The following STIMATE variants were observed in gnomAD, a reference collection of about 807,000 sequenced individuals.
STIMATE encodes the protein store-operated calcium entry regulator STIMATE.
A neutral mutation model predicts 36.7 loss-of-function variants in STIMATE; 15 were observed. The ratio of observed to expected loss-of-function variants is 0.41; its 90% CI spans 0.27 to 0.63. The LOEUF (loss-of-function observed/expected upper bound fraction) is 0.63. STIMATE is among the 20% of genes least tolerant of loss of function. The pLI, the probability that STIMATE is intolerant of heterozygous loss-of-function variation, is 0.32. For synonymous variants in STIMATE, 163 were observed against 162.3 expected, an observed-to-expected ratio of 1.00 and a Z score of -0.03; for missense variants, 305 against 397.3, an observed-to-expected ratio of 0.77 and a Z score of 1.98.
Position 52,839,976 on chromosome 3 carries a change from A to G in STIMATE, c.*518T>C, listed in dbSNP as rs1700768449. 6.6e-6 allele frequency: 1 copy of G among 152,620 alleles called. No individual in the cohort carries two copies. Among genetic ancestry groups the G allele is most frequent in the Non-Finnish European group, 1.5e-5 (1 of 68,036 alleles). 9.5% of individuals were successfully genotyped at this position (152,620 alleles called of 1,614,324 possible). ...CCCCCAACCTGGTAACACTGTCACA[A>G]CTCATAAAACCAGCTTCAGAAATCA... On this transcript the variant is annotated 3_prime_UTR_variant, in exon 8 of 8. Coordinates refer to ENST00000355083, the MANE Select transcript of STIMATE (RefSeq NM_198563.5).
intron 1 of STIMATE, among the ~76,000 whole-genome samples, chr3:52,891,455 G>C (rs1701780998): frequency 6.6e-6 from 1 of 152,244 alleles, no homozygotes; most frequent in South Asian, 2.1e-4. Context: ...CCTGGGCAAA[G>C]AAAAGCCAGC....
chr3:52,896,996 G>C lies in STIMATE; in HGVS notation c.160+295C>G, dbSNP rs545745026. Among the ~76,000 whole-genome samples, 12 of 152,278 alleles carry C rather than the reference G, an allele frequency of 7.9e-5. No homozygotes were observed. In the East Asian group the frequency reaches 2.3e-3, roughly 29 times the overall value. ...CCTTGGGGGTCATGATTCCAGGCTG[G>C]GAAGTGGGGTAACAATTCGAGATGG... On this transcript the variant is annotated intron_variant, in intron 1 of 7. Coordinates refer to ENST00000355083, the MANE Select transcript of STIMATE (RefSeq NM_198563.5).
intron 1 of STIMATE, among the ~76,000 whole-genome samples, chr3:52,862,352 C>A (rs533466667): frequency 1.3e-5 from 2 of 152,316 alleles, no homozygotes; most frequent in African/African-American, 4.8e-5. Context: ...TCTTCAACTG[C>A]CTTTCCTATC....
intron 1 of STIMATE, among the ~76,000 whole-genome samples, chr3:52,860,120 AG>A (rs1701192598): frequency 2.3e-5 from 1 of 44,004 alleles, no homozygotes; most frequent in Non-Finnish European, 1.5e-4. Flanking sequence ...AATTTGGTAA[AG>A]GGGGTAAAAA....
chr3:52,891,522 C>G (rs1701782231), intron 1 of STIMATE, among the ~76,000 whole-genome samples: 1 of 152,206 alleles, frequency 6.6e-6, no homozygotes, highest in South Asian at 2.1e-4. Flanking sequence ...CCACTGCCCT[C>G]TCTCTCAGAG....
intron 1 of STIMATE, among the ~76,000 whole-genome samples, chr3:52,863,477 T>A (rs1261375589): frequency 6.6e-6 from 1 of 152,198 alleles, no homozygotes; most frequent in Non-Finnish European, 1.5e-5. Context: ...CATGTGGGAA[T>A]TATGGGAGTA....
At chr3:52,852,843 T>A in intron 2 of STIMATE, 145 bp from the exon 3 acceptor site, 1 of 959,366 alleles carries the variant, frequency 1.0e-6, no homozygotes, top group Non-Finnish European at 1.5e-6. Flanking sequence ...GAGCACTAAC[T>A]CAGGCTTGGC....
At chr3:52,872,683 T>C (rs139999081) in intron 1 of STIMATE, among the ~76,000 whole-genome samples, 1 of 152,362 alleles carries the variant, frequency 6.6e-6, no homozygotes, top group East Asian at 1.9e-4. Flanking sequence ...TGGAGTGCAA[T>C]GGCACAATCT....
Position 52,837,578 on chromosome 3 carries a change from G to C in STIMATE, c.*2916C>G, listed in dbSNP as rs893889006. ...AACAACCCTCTGACAGCAAAAGGAA[G>C]TAACAGTACCAACCACCTCTTCCAT... On this transcript the variant is annotated 3_prime_UTR_variant, in exon 8 of 8. Transcript: ENST00000355083. The C allele has an allele frequency of 6.6e-6, 1 of 152,378 alleles. No individual in the cohort carries two copies. Among genetic ancestry groups the C allele is most frequent in the African/African-American group, 2.4e-5 (1 of 41,456 alleles). The allele number at this position is 152,378 out of a possible 1,614,324, so 9.4% of individuals were successfully genotyped here.
At chr3:52,870,740 G>A (rs1701388929) in intron 1 of STIMATE, among the ~76,000 whole-genome samples, 1 of 152,186 alleles carries the variant, frequency 6.6e-6, no homozygotes, top group Non-Finnish European at 1.5e-5. Context: ...AGCAGGGCAG[G>A]CGCCTGGGAG....
At chr3:52,859,097 G>A (rs1701158159) in intron 1 of STIMATE, among the ~76,000 whole-genome samples, 1 of 151,388 alleles carries the variant, frequency 6.6e-6, no homozygotes, top group Admixed American at 6.6e-5. Flanking sequence ...GGGAGGTGGA[G>A]GTTGCAGTGA....
At chr3:52,888,115 T>C (rs926835780) in intron 1 of STIMATE, among the ~76,000 whole-genome samples, 7 of 147,026 alleles carry the variant, frequency 4.8e-5, no homozygotes, top group African/African-American at 1.2e-4. Flanking sequence ...CCCTACACTA[T>C]GTCTTTAGGA....
Position 52,843,878 on chromosome 3 carries a change from C to A in STIMATE, c.541-80G>T, listed in dbSNP as rs1700851227. 2.5e-6 allele frequency: 4 copies of A among 1,581,996 alleles called. No homozygotes were observed. In the African/African-American group the frequency reaches 4.1e-5, roughly 16 times the overall value. ...GGGGTGGGTGGGTGGTACCCATAGG[C>A]CCTGAGGGAGCCTTAGCTTAAGACG... On this transcript the variant is annotated intron_variant, in intron 5 of 7. Transcript: ENST00000355083.
At chr3:52,841,153 T>A (rs977078502) in intron 7 of STIMATE, among the ~76,000 whole-genome samples, 1 of 152,210 alleles carries the variant, frequency 6.6e-6, no homozygotes, top group South Asian at 2.1e-4. Context: ...CCTCTGCTAA[T>A]GCTCCCCACT....
Position 52,844,820 on chromosome 3 carries a change from G to C in STIMATE, c.540+9C>G. The stretch of plus-strand genomic sequence containing the variant: ...GGCAAGGAGCTGCTCATGCAGGGAC[G>C]AAGCAAACCTTTTTCCACTGAAGTA... On this transcript the variant is annotated intron_variant, in intron 5 of 7. Transcript: ENST00000355083. The C allele has an allele frequency of 6.2e-7, 1 of 1,613,536 alleles. No homozygotes were observed. Among genetic ancestry groups the C allele is most frequent in the Non-Finnish European group, 8.5e-7 (1 of 1,179,516 alleles).
At chr3:52,854,605 T>C (rs1011099817) in intron 2 of STIMATE, among the ~76,000 whole-genome samples, 6 of 152,196 alleles carry the variant, frequency 3.9e-5, no homozygotes, top group South Asian at 2.1e-4. Context: ...AATCAGTAAA[T>C]GTAAGTAAAT....
intron 7 of STIMATE, among the ~76,000 whole-genome samples, 187 bp from the exon 8 acceptor site, chr3:52,840,797 T>C (rs1578795625): frequency 6.6e-6 from 1 of 151,956 alleles, no homozygotes; most frequent in East Asian, 1.9e-4. Context: ...CCTCCTGGGT[T>C]CGAGTGATTC....
At chr3:52,886,481 T>C (rs1023982106) in intron 1 of STIMATE, among the ~76,000 whole-genome samples, 1 of 152,142 alleles carries the variant, frequency 6.6e-6, no homozygotes, top group African/African-American at 2.4e-5. Context: ...AGGGATAATA[T>C]GAAAAGTAAA....
At chr3:52,860,508 C>T (rs1701199906) in intron 1 of STIMATE, among the ~76,000 whole-genome samples, 1 of 152,104 alleles carries the variant, frequency 6.6e-6, no homozygotes, top group Non-Finnish European at 1.5e-5. Flanking sequence ...CACCGAGAAC[C>T]CAGGCTAAGA....
Sources: gnomAD v4.1 joint callset for allele counts (sites outside exome capture counted in the v4.1 genomes callset) on GRCh38, gnomAD v4.1.1 for gene constraint, MANE v1.5 for transcripts, NCBI Gene and HGNC (gene_info 2026-07-23, HGNC 2026-07-21) for gene names.